CACNA2D1: variants seen among roughly 807,000 people sequenced by gnomAD.
The protein encoded by CACNA2D1 is calcium voltage-gated channel auxiliary subunit alpha2delta 1.
Under a neutral mutation model 171.5 loss-of-function variants are expected in CACNA2D1, and 53 were observed. The ratio of observed to expected loss-of-function variants is 0.31; its 90% CI spans 0.25 to 0.39. The LOEUF (loss-of-function observed/expected upper bound fraction) is 0.39. CACNA2D1 is among the 10% of genes least tolerant of loss of function. The probability of loss-of-function intolerance (pLI) is 1.00; values close to 1 mark genes in which losing one functional copy is unlikely to be tolerated. For synonymous variants in CACNA2D1, 442 were observed against 443.1 expected (o/e 1.00, Z 0.03); for missense variants, 903 against 1,299.8 (o/e 0.69, Z 4.69).
At chr7:82,223,044 C>T (rs907591279) in intron 3 of CACNA2D1, among the ~76,000 whole-genome samples, 5 of 151,828 alleles carry the variant, frequency 3.3e-5, no homozygotes, top group African/African-American at 1.2e-4. Flanking sequence ...ACTGGGATTA[C>T]AGGCACATGT....
chr7:81,963,105 C>A (rs374095232), intron 34 of CACNA2D1, among the ~76,000 whole-genome samples: 101 of 151,722 alleles, frequency 6.7e-4, no homozygotes, highest in African/African-American at 2.4e-3. Context: ...TAGGATAAAG[C>A]CAAGTATTTC....
chr7:82,298,707 T>C (rs1378169467), intron 3 of CACNA2D1, among the ~76,000 whole-genome samples: 1 of 152,060 alleles, frequency 6.6e-6, no homozygotes, highest in Admixed American at 6.6e-5. Context: ...TATAGGCGCA[T>C]GCTACCACAC....
intron 9 of CACNA2D1, among the ~76,000 whole-genome samples, chr7:82,062,639 T>C (rs1807074453): frequency 6.6e-6 from 1 of 151,576 alleles, no homozygotes; most frequent in East Asian, 1.9e-4. Context: ...AGGGTACATG[T>C]GCACAACGTG....
Position 82,230,130 on chromosome 7 carries a change from A to G in CACNA2D1, c.295-59521T>C, listed in dbSNP as rs573970602. Among the ~76,000 whole-genome samples the G allele has an allele frequency of 2.6e-5, 4 of 152,294 alleles. No homozygotes were observed. The South Asian group carries it at 8.3e-4, about 32-fold the overall frequency. On this transcript the variant is annotated intron_variant, in intron 3 of 38. Transcript: ENST00000356860. ...ACACCTGTGTAATTAGCACCAGGTG[A>G]AGGAACAGGTTGTGACTAGAGTCCC...
At chr7:82,062,060 GT>G (rs1313592847) in intron 9 of CACNA2D1, among the ~76,000 whole-genome samples, 1 of 152,118 alleles carries the variant, frequency 6.6e-6, no homozygotes, top group Non-Finnish European at 1.5e-5. Flanking sequence ...TAGAATTCAA[GT>G]TTCTCTTATC....
At chr7:82,002,403 C>T (rs1798705024) in intron 18 of CACNA2D1, among the ~76,000 whole-genome samples, 1 of 152,142 alleles carries the variant, frequency 6.6e-6, no homozygotes, top group South Asian at 2.1e-4. Flanking sequence ...GTTTATAAGC[C>T]ACCCAGTCTA....
At chr7:82,121,934 A>T (rs1420166962) in intron 5 of CACNA2D1, among the ~76,000 whole-genome samples, 1 of 152,174 alleles carries the variant, frequency 6.6e-6, no homozygotes, top group Non-Finnish European at 1.5e-5. Context: ...CATACTAAGA[A>T]AAGAAAGTTT....
intron 1 of CACNA2D1, among the ~76,000 whole-genome samples, chr7:82,381,491 T>C (rs554240705): frequency 5.6e-4 from 85 of 152,268 alleles, no homozygotes; most frequent in Non-Finnish European, 7.2e-4. Context: ...TCTAATTATA[T>C]ACAGAACAAA....
chr7:82,187,931 C>A (rs1219852817), intron 3 of CACNA2D1, among the ~76,000 whole-genome samples: 1 of 152,090 alleles, frequency 6.6e-6, no homozygotes, highest in African/African-American at 2.4e-5. Flanking sequence ...TAAGATATAT[C>A]CAAGAAAGAG....
intron 1 of CACNA2D1, among the ~76,000 whole-genome samples, chr7:82,422,989 G>C (rs1042258221): frequency 6.6e-6 from 1 of 152,058 alleles, no homozygotes; most frequent in Non-Finnish European, 1.5e-5. Flanking sequence ...CTCACTATTT[G>C]CTAACTGAAC....
intron 3 of CACNA2D1, among the ~76,000 whole-genome samples, chr7:82,304,907 C>T (rs562105982): frequency 1.1e-4 from 16 of 152,146 alleles, no homozygotes; most frequent in African/African-American, 2.6e-4. Context: ...AATATCAATG[C>T]GACAGACACC....
chr7:82,072,407 T>C (rs1808433077), intron 7 of CACNA2D1, among the ~76,000 whole-genome samples: 1 of 151,926 alleles, frequency 6.6e-6, no homozygotes, highest in Admixed American at 6.6e-5. Context: ...TTGCTCTCAT[T>C]CCCATGTATT....
At chr7:82,204,519 C>T (rs908243753) in intron 3 of CACNA2D1, among the ~76,000 whole-genome samples, 4 of 152,136 alleles carry the variant, frequency 2.6e-5, no homozygotes, top group African/African-American at 9.7e-5. Context: ...GGTAAAGTCA[C>T]CATGGGGTGG....
chr7:82,379,135 C>T (rs1191378982), intron 1 of CACNA2D1, among the ~76,000 whole-genome samples: 2 of 152,056 alleles, frequency 1.3e-5, no homozygotes, highest in Non-Finnish European at 2.9e-5. Flanking sequence ...GGTGCCTTTT[C>T]ATGTGTGTGG....
intron 3 of CACNA2D1, among the ~76,000 whole-genome samples, chr7:82,245,104 G>A (rs1397173314): frequency 2.0e-5 from 3 of 152,162 alleles, no homozygotes; most frequent in Non-Finnish European, 2.9e-5. Context: ...GCTCAGAGCC[G>A]ATTTTCTAAC....
intron 3 of CACNA2D1, among the ~76,000 whole-genome samples, chr7:82,248,312 C>T (rs1805174891): frequency 6.6e-6 from 1 of 152,112 alleles, no homozygotes; most frequent in Non-Finnish European, 1.5e-5. Context: ...CCTAGGCCCT[C>T]TTTTTGGAAG....
chr7:82,201,876 G>T (rs1182110542), intron 3 of CACNA2D1, among the ~76,000 whole-genome samples: 1 of 152,118 alleles, frequency 6.6e-6, no homozygotes, highest in African/African-American at 2.4e-5. Flanking sequence ...TCTTTCTCTG[G>T]CTTCCCACAT....
intron 10 of CACNA2D1, among the ~76,000 whole-genome samples, chr7:82,059,390 C>A (rs1806328468): frequency 1.3e-5 from 2 of 151,982 alleles, no homozygotes; most frequent in South Asian, 4.1e-4. Context: ...AGAGCACATT[C>A]AAATATCTAT....
intron 2 of CACNA2D1, among the ~76,000 whole-genome samples, chr7:82,347,815 T>C (rs1173104290): frequency 1.3e-5 from 2 of 150,246 alleles, no homozygotes; most frequent in African/African-American, 5.0e-5. Context: ...TTTCATCTTT[T>C]CCATTCTATT....
Sources: allele counts gnomAD v4.1 joint callset (sites outside exome capture counted in the v4.1 genomes callset), GRCh38; gene constraint gnomAD v4.1.1; transcripts MANE v1.5; gene names NCBI Gene and HGNC (gene_info 2026-07-23, HGNC 2026-07-21).